Variants in EIF4G3 observed in about 807,000 individuals in gnomAD.
The protein encoded by EIF4G3 is eIF-4-gamma 3.
EIF4G3 carries 34 observed loss-of-function variants against 186.4 expected under a neutral mutation model. That is an observed-to-expected ratio of 0.18 (90% confidence interval 0.14 to 0.24). The LOEUF (loss-of-function observed/expected upper bound fraction) is 0.24, where lower values mean the gene tolerates loss of function less well. Among genes scored for constraint, EIF4G3 ranks in the 10% least tolerant of loss-of-function variants. EIF4G3 has a pLI of 1.00. For missense variants in EIF4G3, 1,536 were observed against 1,948.5 expected (o/e 0.79, Z 3.99); for synonymous variants, 673 against 679.5 (o/e 0.99, Z 0.15).
chr1:21,020,513 A>T (rs768851907), intron 4 of EIF4G3, among the ~76,000 whole-genome samples: 1 of 152,122 alleles, frequency 6.6e-6, no homozygotes, highest in Non-Finnish European at 1.5e-5. Flanking sequence ...TAAATAAATG[A>T]ATAAATAAAG....
At chr1:20,830,808 T>C (rs2064943171) in intron 30 of EIF4G3, among the ~76,000 whole-genome samples, 1 of 152,222 alleles carries the variant, frequency 6.6e-6, no homozygotes, top group Non-Finnish European at 1.5e-5. Context: ...AACAAAAAAC[T>C]TTTTTGGCTG....
chr1:21,042,398 G>A (rs1396309608), intron 4 of EIF4G3, among the ~76,000 whole-genome samples: 1 of 152,020 alleles, frequency 6.6e-6, no homozygotes, highest in African/African-American at 2.4e-5. Context: ...TATTCATTGA[G>A]AAAATTTAAA....
At chr1:21,067,924 T>A (rs911171255) in intron 3 of EIF4G3, among the ~76,000 whole-genome samples, 28 of 151,200 alleles carry the variant, frequency 1.9e-4, no homozygotes, top group Middle Eastern at 3.4e-3. Flanking sequence ...TCAAAAAAAA[T>A]AAATAAATAA....
intron 20 of EIF4G3, among the ~76,000 whole-genome samples, chr1:20,870,271 C>T (rs10799671): frequency 0.56 from 85,147 of 151,758 alleles, 24,470 homozygotes; most frequent in East Asian, 0.83. Flanking sequence ...TCTCCTCATG[C>T]TTTGCTTTTA....
chr1:21,104,021 T>C lies in EIF4G3; in HGVS notation c.-271-14808A>G, dbSNP rs139271853. ...TGTGTAATCATAGTTAACCTCAAAG[T>C]ATTAGCTCCTCAATTATAAAATGGT... On this transcript the variant is annotated intron_variant, in intron 2 of 36. Coordinates refer to ENST00000602326, the MANE Select transcript of EIF4G3 (RefSeq NM_001391906.1). Among the ~76,000 whole-genome samples the C allele has an allele frequency of 4.0e-4, 61 of 152,250 alleles. 1 individual carries two copies. Among genetic ancestry groups the C allele is most frequent in the African/African-American group, 1.5e-3 (61 of 41,548 alleles).
At chr1:20,873,564 A>C (rs564456465) in intron 20 of EIF4G3, among the ~76,000 whole-genome samples, 1 of 152,046 alleles carries the variant, frequency 6.6e-6, no homozygotes, top group Admixed American at 6.6e-5. Context: ...TTATTGCCCA[A>C]TTGCCCTCAT....
Position 20,853,678 on chromosome 1 carries a change from C to CT in EIF4G3, c.3434-2dup, listed in dbSNP as rs775487279. 2 of 1,605,000 alleles carry CT rather than the reference C, an allele frequency of 1.2e-6. No individual in the cohort carries two copies. The highest frequency in any genetic ancestry group is 2.7e-5 in the African/African-American group (2 of 74,810). On this transcript the variant is annotated splice_acceptor_variant, in intron 26 of 36. Coordinates refer to ENST00000602326, the MANE Select transcript of EIF4G3 (RefSeq NM_001391906.1). LOFTEE classifies it high-confidence loss of function. ...CTGGAAGCACTTGACCGTAAGGCAT[C>CT]TACACATGTCGAGGATTTAGAAAAA...
intron 7 of EIF4G3, among the ~76,000 whole-genome samples, chr1:20,987,340 T>C (rs550368846): frequency 4.6e-5 from 7 of 152,354 alleles, no homozygotes; most frequent in African/African-American, 1.4e-4. Context: ...GATATTCCCA[T>C]GTGGGGAAAA....
At position 20,851,302 on chromosome 1, in the gene EIF4G3, T is replaced by C. The variant is rs2073211940; in HGVS notation, c.3728A>G (p.Glu1243Gly). Residue 1243 changes from glutamate (E) to glycine (G), a missense_variant, in exon 28 of 37, where the codon GAG becomes GGG. By Grantham distance (98) the Glu-to-Gly change is moderately conservative. Around this residue, in one of 11 missense-constraint regions of EIF4G3, gnomAD observed 395 missense variants for 498.9 expected, o/e 0.79. Transcript: ENST00000602326. Reference protein sequence around the residue: ...VKQLTGGVDVERNSTEAERNK... With the variant: ...VKQLTGGVDVGRNSTEAERNK... ...TCGCTCAGCCTCAGTGCTGTTCCTC[T>C]CCACATCCACACCTCCTGTGAGCTG... 6.2e-7 allele frequency: 1 copy of C among 1,614,064 alleles called. No homozygotes were observed.
intron 4 of EIF4G3, chr1:21,003,738 C>CCTGTGAGGTTCACAA: frequency 2.3e-6 from 1 of 442,820 alleles, no homozygotes; most frequent in South Asian, 1.7e-5. Context: ...GTTTAACCTG[C>CCTGTGAGGTTCACAA]CTGTGAGGTT....
At chr1:20,988,147 A>G (rs1570454337) in intron 7 of EIF4G3, among the ~76,000 whole-genome samples, 1 of 152,236 alleles carries the variant, frequency 6.6e-6, no homozygotes, top group African/African-American at 2.4e-5. Context: ...AGTTGAAGCT[A>G]GCAAAGTTTA....
chr1:21,005,308 T>C (rs1338095229), intron 4 of EIF4G3, among the ~76,000 whole-genome samples: 1 of 152,188 alleles, frequency 6.6e-6, no homozygotes, highest in Non-Finnish European at 1.5e-5. Flanking sequence ...CATAAGGTCA[T>C]TTCTCAGTAA....
At chr1:21,164,728 C>T (rs1289939903) in intron 2 of EIF4G3, among the ~76,000 whole-genome samples, 2 of 151,940 alleles carry the variant, frequency 1.3e-5, no homozygotes, top group East Asian at 1.9e-4. Context: ...GGTGTAGTGG[C>T]GCACACATGC....
chr1:20,983,117 C>T (rs1438510088), intron 7 of EIF4G3, among the ~76,000 whole-genome samples: 8 of 152,180 alleles, frequency 5.3e-5, no homozygotes, highest in African/African-American at 1.9e-4. Context: ...GTAACTTGAT[C>T]TTGTGCTCAA....
At chr1:20,948,912 G>A (rs2096081746) in intron 13 of EIF4G3, among the ~76,000 whole-genome samples, 1 of 149,586 alleles carries the variant, frequency 6.7e-6, no homozygotes, top group Admixed American at 6.7e-5. Context: ...GGGCGGCTGA[G>A]GCAGGAGAAT....
intron 2 of EIF4G3, among the ~76,000 whole-genome samples, chr1:21,145,334 C>CAA (rs56373332): frequency 2.4e-4 from 37 of 151,260 alleles, no homozygotes; most frequent in Middle Eastern, 3.4e-3. Context: ...AACAAACAAA[C>CAA]AAAAAAAACC....
chr1:20,818,043 C>T (rs1430544649), intron 33 of EIF4G3, among the ~76,000 whole-genome samples: 1 of 151,944 alleles, frequency 6.6e-6, no homozygotes, highest in African/African-American at 2.4e-5. Context: ...CTTCTCATAC[C>T]GTGTATCTTA....
chr1:21,030,353 A>G (rs1291882023), intron 4 of EIF4G3, among the ~76,000 whole-genome samples: 1 of 152,154 alleles, frequency 6.6e-6, no homozygotes, highest in Non-Finnish European at 1.5e-5. Flanking sequence ...TGTTCTCTTG[A>G]TAGTGAATGG....
intron 29 of EIF4G3, chr1:20,847,900 T>C (rs2071718680): frequency 4.4e-6 from 2 of 458,834 alleles, no homozygotes; most frequent in African/African-American, 2.0e-5. Context: ...GAACTATAGA[T>C]AACCAAGGTG....
Sources: allele counts gnomAD v4.1 joint callset (sites outside exome capture counted in the v4.1 genomes callset), GRCh38; gene constraint gnomAD v4.1.1; regional missense constraint gnomAD v4.1.1; transcripts MANE v1.5; gene names NCBI Gene and HGNC (gene_info 2026-07-23, HGNC 2026-07-21).